Variants in TRAPPC6A observed in about 807,000 individuals in gnomAD.
The protein encoded by TRAPPC6A is TRAPP complex subunit 6A.
Under a neutral mutation model 20.8 loss-of-function variants are expected in TRAPPC6A, and 25 were observed. That is an observed-to-expected ratio of 1.20 (90% CI 0.88 to 1.68). The LOEUF is 1.68. TRAPPC6A is among the 40% of genes most tolerant of loss of function. The pLI, the probability that TRAPPC6A is intolerant of heterozygous loss-of-function variation, is 0.00. For synonymous variants in TRAPPC6A, 96 were observed against 93.3 expected, an observed-to-expected ratio of 1.03 and a Z score of -0.16; for missense variants, 215 against 211.6, an observed-to-expected ratio of 1.02 and a Z score of -0.10.
chr19:45,165,244 C>G lies in TRAPPC6A; in HGVS notation c.85-50G>C. 2.6e-6 allele frequency: 4 copies of G among 1,545,086 alleles called. No individual in the cohort carries two copies. The South Asian group carries it at 3.5e-5, about 14-fold the overall frequency. ...CAGGGGCCCTTAGCCACCACGAACC[C>G]GGGGCCACCCAGGGGGGGACCTGCC... On this transcript the variant is annotated intron_variant, in intron 1 of 5. Coordinates refer to ENST00000585934, the MANE Select transcript of TRAPPC6A (RefSeq NM_001270891.2).
At chr19:45,171,866 G>A (rs1312909575) in intron 1 of TRAPPC6A, among the ~76,000 whole-genome samples, 1 of 152,232 alleles carries the variant, frequency 6.6e-6, no homozygotes, top group African/African-American at 2.4e-5. Flanking sequence ...AACGGAAAAA[G>A]CAAACCAAAG....
intron 1 of TRAPPC6A, among the ~76,000 whole-genome samples, chr19:45,168,133 G>A (rs1969197566): frequency 6.6e-6 from 1 of 151,008 alleles, no homozygotes; most frequent in African/African-American, 2.4e-5. Context: ...CTCCTGAGTA[G>A]CTGGCACTAT....
intron 1 of TRAPPC6A, among the ~76,000 whole-genome samples, chr19:45,174,493 C>A (rs955644154): frequency 6.6e-6 from 1 of 151,854 alleles, no homozygotes; most frequent in South Asian, 2.1e-4. Context: ...CTGGGGGAGA[C>A]GCATGTGAAT....
intron 1 of TRAPPC6A, among the ~76,000 whole-genome samples, chr19:45,175,511 T>C (rs1969351917): frequency 6.6e-6 from 1 of 151,310 alleles, no homozygotes; most frequent in East Asian, 1.9e-4. Flanking sequence ...ACCAGGAGAA[T>C]GTATAAAGGA....
chr19:45,168,757 G>T (rs1006866799), intron 1 of TRAPPC6A, among the ~76,000 whole-genome samples: 4 of 152,186 alleles, frequency 2.6e-5, no homozygotes, highest in Admixed American at 2.0e-4. Flanking sequence ...GGGCTCTGAG[G>T]TTAAGAAGAA....
chr19:45,169,645 G>C (rs1443410332), intron 1 of TRAPPC6A, among the ~76,000 whole-genome samples: 1 of 152,206 alleles, frequency 6.6e-6, no homozygotes, highest in Non-Finnish European at 1.5e-5. Flanking sequence ...GGCTGGAGGA[G>C]AACCCCAGGA....
rs1356503364 is a variant in TRAPPC6A at position 45,172,642 on chromosome 19, G to C, written c.84+5493C>G. On this transcript the variant is annotated intron_variant, in intron 1 of 5. Transcript: ENST00000585934. The surrounding 1 kb of genome is among the most constrained non-coding windows in gnomAD (Gnocchi z 4.2). ...CTGTTGCCCTCAACTCTCCTCCCTG[G>C]TCCAGCAAGGCATCCTGAGCAAGTC... is the stretch of plus-strand genomic sequence containing the variant. 6.6e-6 allele frequency among the ~76,000 whole-genome samples: 1 copy of C among 151,622 alleles called. No individual in the cohort carries two copies. Among genetic ancestry groups the C allele is most frequent in the Admixed American group, 6.6e-5 (1 of 15,258 alleles).
At position 45,162,991 on chromosome 19, in the gene TRAPPC6A, A is replaced by T; in HGVS notation, c.*201T>A. Reference sequence around the variant, plus strand: ...GGGCAGTGACGCTGCCGAGGCGGGAATCCCACCACAGTCCTGACCGCAGCT... The same window carrying T: ...GGGCAGTGACGCTGCCGAGGCGGGATTCCCACCACAGTCCTGACCGCAGCT... On this transcript the variant is annotated 3_prime_UTR_variant, in exon 6 of 6. Coordinates refer to ENST00000585934, the MANE Select transcript of TRAPPC6A (RefSeq NM_001270891.2). The T allele has an allele frequency of 2.2e-6, 1 of 452,516 alleles. No homozygotes were observed. Among genetic ancestry groups the T allele is most frequent in the Admixed American group, 4.2e-5 (1 of 23,536 alleles). 28.0% of individuals were successfully genotyped at this position (452,516 alleles called of 1,614,324 possible).
At chr19:45,165,102 G>T (rs1354112286) in intron 2 of TRAPPC6A, 25 bp downstream of exon 2, 2 of 1,612,614 alleles carry the variant, frequency 1.2e-6, no homozygotes, top group Admixed American at 3.3e-5. Context: ...CCAGGCTGGG[G>T]GAGAGCAGGA....
chr19:45,163,002 G>A lies in TRAPPC6A; in HGVS notation c.*190C>T. On this transcript the variant is annotated 3_prime_UTR_variant, in exon 6 of 6. Coordinates refer to ENST00000585934, the MANE Select transcript of TRAPPC6A (RefSeq NM_001270891.2). This position sits in a 1 kb window ranked among gnomAD's most constrained non-coding sequence, Gnocchi z 5.3. ...CTGCCGAGGCGGGAATCCCACCACAGTCCTGACCGCAGCTGGGACCCCTTT... is the reference window on the plus strand; with the variant it reads ...CTGCCGAGGCGGGAATCCCACCACAATCCTGACCGCAGCTGGGACCCCTTT... 1.7e-6 allele frequency: 1 copy of A among 581,772 alleles called. No homozygotes were observed. 36.0% of individuals were successfully genotyped at this position (581,772 alleles called of 1,614,324 possible). A position where few individuals can be genotyped will look rare whatever the true frequency, so the allele number is the denominator to read the frequency against.
chr19:45,174,608 C>T (rs1401016659), intron 1 of TRAPPC6A, among the ~76,000 whole-genome samples: 1 of 151,638 alleles, frequency 6.6e-6, no homozygotes, highest in African/African-American at 2.4e-5. Flanking sequence ...GCCAGAGGAT[C>T]GCTTGGGCCC....
chr19:45,175,846 C>T (rs1422570036), intron 1 of TRAPPC6A, among the ~76,000 whole-genome samples: 1 of 152,068 alleles, frequency 6.6e-6, no homozygotes, highest in African/African-American at 2.4e-5. Flanking sequence ...TTACCCACCC[C>T]CAGGCTGATG....
chr19:45,176,215 G>C (rs538224162), intron 1 of TRAPPC6A, among the ~76,000 whole-genome samples: 4 of 152,144 alleles, frequency 2.6e-5, no homozygotes, highest in Non-Finnish European at 4.4e-5. Context: ...CCAGCACTTT[G>C]GAAGCCCGAG....
At chr19:45,167,504 C>T (rs930651140) in intron 1 of TRAPPC6A, among the ~76,000 whole-genome samples, 7 of 152,164 alleles carry the variant, frequency 4.6e-5, no homozygotes, top group Admixed American at 6.5e-5. Context: ...TTTGGGAGGT[C>T]GGAGTTTCGC....
chr19:45,176,869 T>TA (rs563420112), intron 1 of TRAPPC6A, among the ~76,000 whole-genome samples: 3,388 of 125,356 alleles, frequency 0.027, 111 homozygotes, highest in African/African-American at 0.079. Flanking sequence ...CCGTATCTAC[T>TA]AAAAAAAAAA....
Position 45,172,016 on chromosome 19 carries a change from G to A in TRAPPC6A, c.84+6119C>T, listed in dbSNP as rs1366013807. Reference sequence around the variant, plus strand: ...AAAGCCTCTGAGGTAGAAAAGCCACGGCTGCTTCCTCCAAGGGCTTCTCCT... The same window carrying A: ...AAAGCCTCTGAGGTAGAAAAGCCACAGCTGCTTCCTCCAAGGGCTTCTCCT... On this transcript the variant is annotated intron_variant, in intron 1 of 5. Transcript: ENST00000585934. This position sits in a 1 kb window ranked among gnomAD's most constrained non-coding sequence, Gnocchi z 4.2. 6.6e-6 allele frequency among the ~76,000 whole-genome samples: 1 copy of A among 151,928 alleles called. No homozygotes were observed. Among genetic ancestry groups the A allele is most frequent in the African/African-American group, 2.4e-5 (1 of 41,324 alleles).
intron 1 of TRAPPC6A, among the ~76,000 whole-genome samples, chr19:45,174,973 A>C (rs1969336236): frequency 6.6e-6 from 1 of 151,592 alleles, no homozygotes; most frequent in African/African-American, 2.4e-5. Context: ...ACAAAAAAAA[A>C]AAAAATTGCC....
chr19:45,169,451 T>A (rs1000897317), intron 1 of TRAPPC6A, among the ~76,000 whole-genome samples: 1 of 152,154 alleles, frequency 6.6e-6, no homozygotes, highest in African/African-American at 2.4e-5. Flanking sequence ...TGTGAGCCAC[T>A]GCGTCCAGCC....
intron 1 of TRAPPC6A, among the ~76,000 whole-genome samples, chr19:45,165,742 T>C (rs1023464171): frequency 3.3e-5 from 5 of 152,044 alleles, no homozygotes; most frequent in African/African-American, 4.8e-5. Context: ...TTCGTTTGGG[T>C]GCTCGAAAAG....
Sources: allele counts gnomAD v4.1 joint callset (sites outside exome capture counted in the v4.1 genomes callset), GRCh38; gene constraint gnomAD v4.1.1; non-coding constraint Gnocchi (gnomAD v3.1); transcripts MANE v1.5; gene names NCBI Gene and HGNC (gene_info 2026-07-23, HGNC 2026-07-21).